The following GRID2IP variants were observed in gnomAD, a reference collection of about 807,000 sequenced individuals.
GRID2IP encodes delphilin.
Under a neutral mutation model 114.3 loss-of-function variants are expected in GRID2IP, and 78 were observed. The ratio of observed to expected loss-of-function variants is 0.68; its 90% CI spans 0.57 to 0.82. GRID2IP has a LOEUF of 0.82. Among genes scored for constraint, GRID2IP ranks in the 40% least tolerant of loss-of-function variants. The probability of loss-of-function intolerance (pLI) is 0.00; values close to 1 mark genes in which losing one functional copy is unlikely to be tolerated. For missense variants in GRID2IP, 1,727 were observed against 1,678.5 expected, an observed-to-expected ratio of 1.03 and a Z score of -0.51; for synonymous variants, 809 against 724.0, an observed-to-expected ratio of 1.12 and a Z score of -1.89.
chr7:6,543,804 T>C (rs1666355828), intron 1 of GRID2IP, among the ~76,000 whole-genome samples: 1 of 151,778 alleles, frequency 6.6e-6, no homozygotes, highest in South Asian at 2.1e-4. Context: ...ATTATTATTA[T>C]TATTTGAGAG....
chr7:6,514,299 GTGTC>G (rs1045140930), intron 8 of GRID2IP, 72 bp downstream of exon 8: 14 of 1,252,666 alleles, frequency 1.1e-5, no homozygotes, highest in African/African-American at 9.1e-5. Flanking sequence ...GTGAGAACAG[GTGTC>G]TGTCTGTTCA....
In GRID2IP at chr7:6,526,175, C is replaced by G. The variant is rs1411193014; in HGVS notation, c.919+49G>C. ...GGCAGAGCCACCACGGGGCCCTTCA[C>G]CCCATCCTGGGCCTTAGGGACTCTT... On this transcript the variant is annotated intron_variant, in intron 4 of 21. Transcript: ENST00000457091. The surrounding 1 kb of genome is among the most constrained non-coding windows in gnomAD (Gnocchi z 7.6). 6.8e-7 allele frequency: 1 copy of G among 1,464,110 alleles called. No individual in the cohort carries two copies. Among genetic ancestry groups the G allele is most frequent in the Non-Finnish European group, 9.4e-7 (1 of 1,068,118 alleles). The allele number at this position is 1,464,110 out of a possible 1,614,324, so 90.7% of individuals were successfully genotyped here.
rs1166121355 is a variant in GRID2IP at position 6,521,363 on chromosome 7, T to G, written c.1084+66A>C. The stretch of plus-strand genomic sequence containing the variant: ...AGCTGAGTCCTCCGCACTGTGACTC[T>G]CACATATAGCAGCCTGGGCAGGGTC... On this transcript the variant is annotated intron_variant, in intron 6 of 21. Transcript: ENST00000457091. This position sits in a 1 kb window ranked among gnomAD's most constrained non-coding sequence, Gnocchi z 4.1. 8.4e-7 allele frequency: 1 copy of G among 1,187,728 alleles called. No individual in the cohort carries two copies. 73.6% of individuals were successfully genotyped at this position (1,187,728 alleles called of 1,614,324 possible). A position where few individuals can be genotyped will look rare whatever the true frequency, so the allele number is the denominator to read the frequency against.
chr7:6,514,668 G>GTTGATTTT, intron 7 of GRID2IP, 139 bp from the exon 8 acceptor site: 1 of 706,110 alleles, frequency 1.4e-6, no homozygotes, highest in Non-Finnish European at 2.1e-6. Flanking sequence ...GACAGAAGTG[G>GTTGATTTT]GGGCCGGGCA....
rs896412233 is a variant in GRID2IP, at chr7:6,508,875, G to T, written c.2127+83C>A. 9 of 1,481,458 alleles carry T rather than the reference G, an allele frequency of 6.1e-6. No individual in the cohort carries two copies. The highest frequency in any genetic ancestry group is 7.2e-6 in the Non-Finnish European group (8 of 1,118,364). The allele number at this position is 1,481,458 out of a possible 1,614,324, so 91.8% of individuals were successfully genotyped here. On this transcript the variant is annotated intron_variant, in intron 12 of 21. Coordinates refer to ENST00000457091, the MANE Select transcript of GRID2IP (RefSeq NM_001145118.2). The surrounding 1 kb of genome is among the most constrained non-coding windows in gnomAD (Gnocchi z 5.6). ...AGATCCCAAGGGCAGCAGGCCCCTT[G>T]CGGGAGCCCAGGAACACTGTTGCCT... is the stretch of plus-strand genomic sequence containing the variant.
At position 6,551,102 on chromosome 7, in the gene GRID2IP, G is replaced by C. The variant is rs1048973292; in HGVS notation, c.335C>G (p.Ala112Gly). The change falls in exon 1 of 22, where the codon GCT becomes GGT. Residue 112 changes from alanine (A) to glycine (G), a missense_variant. Physicochemically the swap from Ala to Gly is moderately conservative, Grantham distance 60 (BLOSUM62 0). Coordinates refer to ENST00000457091, the MANE Select transcript of GRID2IP (RefSeq NM_001145118.2). ...CAGGCGAAGCAGCTCACGGCCCAGAGCTAGGCCGCGGCCGCACCGCGGGGC... is the reference window on the plus strand; with the variant it reads ...CAGGCGAAGCAGCTCACGGCCCAGACCTAGGCCGCGGCCGCACCGCGGGGC... ...LRAPRCGRGL[A>G]LGRELLRLAG... 1 of 1,304,848 alleles carries C rather than the reference G, an allele frequency of 7.7e-7. No individual in the cohort carries two copies. The highest frequency in any genetic ancestry group is 2.2e-5 in the South Asian group (1 of 44,818). 80.8% of individuals were successfully genotyped at this position (1,304,848 alleles called of 1,614,324 possible).
rs2115065587 is a variant in GRID2IP, at chr7:6,516,194, A to G, written c.1269-1665T>C. ...GCAGGGAAGAGCTTAAAATTTCAAA[A>G]GCCAAAACTGTGGGCGGCAAGCCAC... On this transcript the variant is annotated intron_variant, in intron 7 of 21. Transcript: ENST00000457091. The surrounding 1 kb of genome is among the most constrained non-coding windows in gnomAD (Gnocchi z 4.3). 6.6e-6 allele frequency among the ~76,000 whole-genome samples: 1 copy of G among 151,990 alleles called. No individual in the cohort carries two copies. Among genetic ancestry groups the G allele is most frequent in the African/African-American group, 2.4e-5 (1 of 41,518 alleles).
At chr7:6,544,341 A>C (rs569732992) in intron 1 of GRID2IP, among the ~76,000 whole-genome samples, 2 of 151,490 alleles carry the variant, frequency 1.3e-5, no homozygotes, top group African/African-American at 4.8e-5. Flanking sequence ...GTGCAATGGC[A>C]TGATCTCGGC....
intron 7 of GRID2IP, among the ~76,000 whole-genome samples, chr7:6,518,147 T>G (rs1779347289): frequency 6.6e-6 from 1 of 151,778 alleles, no homozygotes; most frequent in Non-Finnish European, 1.5e-5. Flanking sequence ...CAAGGATCAC[T>G]TCAGCCTGGG....
chr7:6,507,981 C>G lies in GRID2IP; in HGVS notation c.2544+4G>C. On this transcript the variant is annotated splice_donor_region_variant and intron_variant, in intron 13 of 21. Coordinates refer to ENST00000457091, the MANE Select transcript of GRID2IP (RefSeq NM_001145118.2). This position sits in a 1 kb window ranked among gnomAD's most constrained non-coding sequence, Gnocchi z 5.3. ...AGAGCGCTGCTGGGTCCCAGGTCACCTACCTGACCCCAGATGGTGCCTTCT... is the reference window on the plus strand; with the variant it reads ...AGAGCGCTGCTGGGTCCCAGGTCACGTACCTGACCCCAGATGGTGCCTTCT... 1 of 1,550,006 alleles carries G rather than the reference C, an allele frequency of 6.5e-7. No homozygotes were observed. The highest frequency in any genetic ancestry group is 1.2e-5 in the South Asian group (1 of 84,046).
chr7:6,529,216 C>A (rs553622617), intron 2 of GRID2IP, among the ~76,000 whole-genome samples: 1 of 151,910 alleles, frequency 6.6e-6, no homozygotes, highest in African/African-American at 2.4e-5. Flanking sequence ...TTTAGGAGGC[C>A]GAGGCAGGCA....
intron 1 of GRID2IP, among the ~76,000 whole-genome samples, chr7:6,547,437 A>G (rs1779903964): frequency 6.6e-6 from 1 of 151,252 alleles, no homozygotes; most frequent in Non-Finnish European, 1.5e-5. Context: ...GGTCCCAGCT[A>G]CTAGAGAGGC....
intron 1 of GRID2IP, among the ~76,000 whole-genome samples, chr7:6,543,567 G>A (rs6950897): frequency 0.32 from 47,981 of 151,612 alleles, 7,779 homozygotes; most frequent in Admixed American, 0.39. Flanking sequence ...AGTGGGTTGC[G>A]TCACTCTCAC....
At position 6,510,615 on chromosome 7, in the gene GRID2IP, G is replaced by C; in HGVS notation, c.1647C>G (p.Pro549=). 1 of 1,534,264 alleles carries C rather than the reference G, an allele frequency of 6.5e-7. No homozygotes were observed. Among genetic ancestry groups the C allele is most frequent in the African/African-American group, 1.4e-5 (1 of 71,894 alleles). The part of the protein sequence containing the change: ...DGTSLPETPN[P]KMMSAVYAEL... ...AGGGCAGAGAAGGTCTCACCATCTT[G>C]GGGTTGGGGGTCTCAGGGAGGGACG... The change falls in exon 10 of 22, where the codon CCC becomes CCG. Residue 549 remains proline, a synonymous_variant. Transcript: ENST00000457091.
rs568189687 is a variant in GRID2IP, at chr7:6,536,450, G to T, written c.584+3268C>A. Reference sequence around the variant, plus strand: ...TGCCCGACCCGCTGCCGCAGCTGCCGGCGGCTTGGGGACCAGCGGCGGCTG... The same window carrying T: ...TGCCCGACCCGCTGCCGCAGCTGCCTGCGGCTTGGGGACCAGCGGCGGCTG... On this transcript the variant is annotated intron_variant, in intron 2 of 21. Transcript: ENST00000457091. This position sits in a 1 kb window ranked among gnomAD's most constrained non-coding sequence, Gnocchi z 5.3. Among the ~76,000 whole-genome samples the T allele has an allele frequency of 2.2e-4, 34 of 152,358 alleles. No homozygotes were observed. In the East Asian group the frequency reaches 6.0e-3, roughly 27 times the overall value.
Position 6,508,856 on chromosome 7 carries a change from C to A in GRID2IP, c.2127+102G>T. On this transcript the variant is annotated intron_variant, in intron 12 of 21. Transcript: ENST00000457091. This position sits in a 1 kb window ranked among gnomAD's most constrained non-coding sequence, Gnocchi z 5.6. ...GAGTGGGATAGCCTGGGGAAGATCC[C>A]AAGGGCAGCAGGCCCCTTGCGGGAG... 14 of 1,464,274 alleles carry A rather than the reference C, an allele frequency of 9.6e-6. No individual in the cohort carries two copies. The highest frequency in any genetic ancestry group is 1.3e-5 in the Non-Finnish European group (14 of 1,109,344). The allele number at this position is 1,464,274 out of a possible 1,614,324, so 90.7% of individuals were successfully genotyped here. A position where few individuals can be genotyped will look rare whatever the true frequency, so the allele number is the denominator to read the frequency against.
At chr7:6,550,934 G>T in intron 1 of GRID2IP, 74 bp downstream of exon 1, 1 of 1,192,122 alleles carries the variant, frequency 8.4e-7, no homozygotes, top group East Asian at 3.6e-5. Context: ...CTGGGAGAGC[G>T]GCGCCCGGCC....
intron 4 of GRID2IP, among the ~76,000 whole-genome samples, chr7:6,522,499 AT>A (rs112636543): frequency 0.02 from 2,895 of 146,126 alleles, 85 homozygotes; most frequent in African/African-American, 0.065. Context: ...TATTTTCTGT[AT>A]TTTTTTTTTT....
At chr7:6,525,393 G>A (rs201225796) in intron 4 of GRID2IP, among the ~76,000 whole-genome samples, 4 of 152,090 alleles carry the variant, frequency 2.6e-5, no homozygotes, top group Non-Finnish European at 5.9e-5. Context: ...AGGCCAAGGC[G>A]GGAGGATTAC....
Sources: gnomAD v4.1 joint callset for allele counts (sites outside exome capture counted in the v4.1 genomes callset) on GRCh38, gnomAD v4.1.1 for gene constraint, Gnocchi (gnomAD v3.1) non-coding constraint, MANE v1.5 for transcripts, NCBI Gene and HGNC (gene_info 2026-07-23, HGNC 2026-07-21) for gene names.